The following ADCY8 variants were observed in gnomAD, a reference collection of about 807,000 sequenced individuals.
The protein encoded by ADCY8 is adenylate cyclase type 8.
A neutral mutation model predicts 119.7 loss-of-function variants in ADCY8; 51 were observed. The observed-to-expected ratio is 0.43, with a 90% CI of 0.34 to 0.54. The LOEUF (loss-of-function observed/expected upper bound fraction) is 0.54. Among genes scored for constraint, ADCY8 ranks in the 20% least tolerant of loss-of-function variants. The probability of loss-of-function intolerance (pLI) is 0.03; values close to 1 mark genes in which losing one functional copy is unlikely to be tolerated. For synonymous variants in ADCY8, 665 were observed against 651.0 expected (o/e 1.02, Z -0.33); for missense variants, 1,383 against 1,598.8 (o/e 0.87, Z 2.30).
At chr8:131,015,405 G>A (rs928137) in intron 1 of ADCY8, among the ~76,000 whole-genome samples, 84,366 of 151,944 alleles carry the variant, frequency 0.56, 24,239 homozygotes, top group East Asian at 0.78. Flanking sequence ...AATGGTGAGC[G>A]CACTATGCAG....
chr8:130,840,806 AAAT>A (rs1462331798), intron 11 of ADCY8, among the ~76,000 whole-genome samples: 5 of 152,194 alleles, frequency 3.3e-5, no homozygotes, highest in African/African-American at 1.2e-4. Flanking sequence ...TAATGATAAA[AAAT>A]AATAATGCCA....
chr8:130,868,100 C>G (rs543687096), intron 8 of ADCY8, among the ~76,000 whole-genome samples, 154 bp from the exon 9 acceptor site: 1 of 152,178 alleles, frequency 6.6e-6, no homozygotes, highest in African/African-American at 2.4e-5. Context: ...TTATCCCCAT[C>G]CCTCCTGCCA....
At chr8:130,955,946 A>G (rs1449024880) in intron 2 of ADCY8, among the ~76,000 whole-genome samples, 1 of 152,178 alleles carries the variant, frequency 6.6e-6, no homozygotes, top group Non-Finnish European at 1.5e-5. Flanking sequence ...GGAGTTTGAG[A>G]CTAGCTTGGG....
At chr8:130,805,648 C>A (rs1360829424) in intron 14 of ADCY8, among the ~76,000 whole-genome samples, 1 of 152,128 alleles carries the variant, frequency 6.6e-6, no homozygotes, top group African/African-American at 2.4e-5. Context: ...ACCAAACCCC[C>A]AACACAGACT....
intron 9 of ADCY8, among the ~76,000 whole-genome samples, chr8:130,864,573 A>G (rs951911465): frequency 4.6e-5 from 7 of 152,048 alleles, no homozygotes; most frequent in Admixed American, 3.3e-4. Context: ...TTTGCATTTC[A>G]GTTAGGGAAG....
At chr8:130,816,898 A>G (rs1328699884) in intron 13 of ADCY8, among the ~76,000 whole-genome samples, 1 of 152,204 alleles carries the variant, frequency 6.6e-6, no homozygotes, top group Non-Finnish European at 1.5e-5. Context: ...GAATAATTCC[A>G]ATATTTTACT....
intron 13 of ADCY8, among the ~76,000 whole-genome samples, chr8:130,815,424 A>G (rs1816306263): frequency 6.6e-6 from 1 of 152,238 alleles, no homozygotes; most frequent in Non-Finnish European, 1.5e-5. Context: ...TAACACTTAC[A>G]TGGTGCTTAT....
chr8:130,950,983 C>T (rs1027483362), intron 3 of ADCY8, among the ~76,000 whole-genome samples: 4 of 152,170 alleles, frequency 2.6e-5, no homozygotes, highest in East Asian at 1.9e-4. Context: ...CAGGCGCGAG[C>T]GACCGTGCCC....
At position 130,990,542 on chromosome 8, in the gene ADCY8, C is replaced by A; in HGVS notation, c.961G>T (p.Val321Phe). The A allele has an allele frequency of 6.2e-7, 1 of 1,613,326 alleles. No homozygotes were observed. Among genetic ancestry groups the A allele is most frequent in the Non-Finnish European group, 8.5e-7 (1 of 1,179,422 alleles). ...ATGAATAGCACTGCCTGGGCCACAA[C>A]CTAAAATAAACACAGTCTGGTCAGG... ...PRLAVISINQVVAQAVLFMCM... is the reference protein window; with the variant it reads ...PRLAVISINQFVAQAVLFMCM... The change falls in exon 2 of 18, where the codon GTT (valine) becomes TTT (phenylalanine). Residue 321 changes from valine to phenylalanine, a missense_variant and splice_region_variant. Val to Phe is a conservative substitution (Grantham distance 50, BLOSUM62 -1). Around this residue, in one of 2 missense-constraint regions of ADCY8, gnomAD observed 455 missense variants for 435.3 expected, o/e 1.05. Transcript: ENST00000286355.
At chr8:130,979,040 T>G (rs1431430550) in intron 2 of ADCY8, among the ~76,000 whole-genome samples, 1 of 152,150 alleles carries the variant, frequency 6.6e-6, no homozygotes, top group African/African-American at 2.4e-5. Context: ...CGGAAGACAG[T>G]CTACCATGGA....
At chr8:130,912,121 T>C (rs1373613420) in intron 5 of ADCY8, among the ~76,000 whole-genome samples, 1 of 152,186 alleles carries the variant, frequency 6.6e-6, no homozygotes, top group Admixed American at 6.5e-5. Flanking sequence ...TTGGTTTAAC[T>C]CTGGCCAGTA....
At chr8:131,035,464 T>C (rs1454929922) in intron 1 of ADCY8, among the ~76,000 whole-genome samples, 1 of 152,168 alleles carries the variant, frequency 6.6e-6, no homozygotes, top group East Asian at 1.9e-4. Flanking sequence ...AACCATCTCT[T>C]TGCTGATGGC....
At chr8:130,933,629 T>G (rs1820700012) in intron 5 of ADCY8, among the ~76,000 whole-genome samples, 1 of 152,226 alleles carries the variant, frequency 6.6e-6, no homozygotes, top group Non-Finnish European at 1.5e-5. Context: ...CAGATTTTGA[T>G]TCATACAGTT....
chr8:130,842,871 C>CA (rs35357039), intron 11 of ADCY8, among the ~76,000 whole-genome samples: 8,298 of 87,042 alleles, frequency 0.095, 447 homozygotes, highest in East Asian at 0.32. Context: ...CACTCTGTCT[C>CA]AAAAAAAAAA....
chr8:130,821,574 T>C (rs1171854517), intron 12 of ADCY8, among the ~76,000 whole-genome samples, 154 bp from the exon 13 acceptor site: 1 of 152,194 alleles, frequency 6.6e-6, no homozygotes, highest in East Asian at 1.9e-4. Flanking sequence ...GGTTTGCACA[T>C]TGGCTAATTC....
intron 14 of ADCY8, among the ~76,000 whole-genome samples, chr8:130,808,230 G>T (rs950827762): frequency 6.6e-6 from 1 of 151,976 alleles, no homozygotes; most frequent in African/African-American, 2.4e-5. Context: ...GGCCTTTGTT[G>T]TTTTTTCACT....
At chr8:130,929,732 G>C (rs965410979) in intron 5 of ADCY8, among the ~76,000 whole-genome samples, 1 of 152,138 alleles carries the variant, frequency 6.6e-6, no homozygotes. Flanking sequence ...AAACTGGGAT[G>C]TTGAAGTCCT....
chr8:130,831,462 G>GT (rs1261779875), intron 12 of ADCY8, among the ~76,000 whole-genome samples: 1 of 152,166 alleles, frequency 6.6e-6, no homozygotes, highest in Non-Finnish European at 1.5e-5. Context: ...GCCAAAGATG[G>GT]TTTTGCCAAG....
At chr8:130,832,527 T>C (rs1402893970) in intron 12 of ADCY8, among the ~76,000 whole-genome samples, 2 of 152,134 alleles carry the variant, frequency 1.3e-5, no homozygotes, top group East Asian at 1.9e-4. Flanking sequence ...TATCGACCTG[T>C]AGATTTATAA....
Sources: allele counts gnomAD v4.1 joint callset (sites outside exome capture counted in the v4.1 genomes callset), GRCh38; gene constraint gnomAD v4.1.1; regional missense constraint gnomAD v4.1.1; transcripts MANE v1.5; gene names NCBI Gene and HGNC (gene_info 2026-07-23, HGNC 2026-07-21).